DNAH2: variants seen among roughly 807,000 people sequenced by gnomAD.
DNAH2 encodes the protein axonemal beta dynein heavy chain 2.
Under a neutral mutation model 523.5 loss-of-function variants are expected in DNAH2, and 323 were observed. That is an observed-to-expected ratio of 0.62 (90% confidence interval 0.56 to 0.68). The LOEUF (loss-of-function observed/expected upper bound fraction) is 0.68, where lower values mean the gene tolerates loss of function less well. DNAH2 is among the 30% of genes least tolerant of loss of function. The probability of loss-of-function intolerance (pLI) is 0.00; values close to 1 mark genes in which losing one functional copy is unlikely to be tolerated. For synonymous variants in DNAH2, 2,093 were observed against 2,177.4 expected, an observed-to-expected ratio of 0.96 and a Z score of 1.08; for missense variants, 4,907 against 5,701.5, an observed-to-expected ratio of 0.86 and a Z score of 4.49.
At chr17:7,819,706 C>G (rs939491926) in intron 72 of DNAH2, among the ~76,000 whole-genome samples, 2 of 152,160 alleles carry the variant, frequency 1.3e-5, no homozygotes, top group Non-Finnish European at 2.9e-5. Context: ...GTGAAAGTAC[C>G]GGTTGGGATT....
Position 7,787,816 on chromosome 17 carries a change from G to A in DNAH2, c.6604-44G>A. The A allele has an allele frequency of 3.8e-6, 6 of 1,567,050 alleles. No individual in the cohort carries two copies. The Admixed American group carries it at 1.1e-4, about 28-fold the overall frequency. On this transcript the variant is annotated intron_variant, in intron 42 of 85. Transcript: ENST00000572933. The stretch of plus-strand genomic sequence containing the variant: ...GGTGTTTTATTATTCCTGAAGGTGG[G>A]GGATGCAGAGAAAGATGAAGTTCTG...
At chr17:7,722,186 ACG>A (rs758098130) in intron 2 of DNAH2, among the ~76,000 whole-genome samples, 11 of 30,264 alleles carry the variant, frequency 3.6e-4, no homozygotes, top group South Asian at 1.7e-3. Context: ...TTTTATAGAG[ACG>A]GGGGGGGGGG....
intron 44 of DNAH2, 36 bp downstream of exon 44, chr17:7,788,280 G>A (rs1430041093): frequency 6.5e-7 from 1 of 1,529,952 alleles, no homozygotes; most frequent in Non-Finnish European, 8.8e-7. Context: ...CAGGGGCAGG[G>A]GGTGCTCACA....
rs140369156 is a variant in DNAH2 at position 7,818,769 on chromosome 17, A to T, written c.10663A>T (p.Ile3555Phe). 114 of 1,613,900 alleles carry T rather than the reference A, an allele frequency of 7.1e-5. No homozygotes were observed. In the African/African-American group the frequency reaches 1.2e-3, roughly 17 times the overall value. Residue 3555 changes from isoleucine to phenylalanine, a missense_variant, in exon 70 of 86, where the codon ATC becomes TTC. By Grantham distance (21) the Ile-to-Phe change is conservative. This residue lies in a region of DNAH2 where 1,851 missense variants were observed against 2,139.4 expected (regional missense o/e 0.87). Coordinates refer to ENST00000572933, the MANE Select transcript of DNAH2 (RefSeq NM_020877.5). ...KRKLKELEDE[I>F]LRLLNEATGS... ...GAAGCTCAAGGAGCTGGAGGATGAG[A>T]TCCTGCGGTGAGGCCCTGCCTTCCC...
chr17:7,742,809 A>T lies in DNAH2; in HGVS notation c.1690-119A>T, dbSNP rs912465126. 85 of 583,660 alleles carry T rather than the reference A, an allele frequency of 1.5e-4. No homozygotes were observed. In the African/African-American group the frequency reaches 1.6e-3, roughly 11 times the overall value. 36.2% of individuals were successfully genotyped at this position (583,660 alleles called of 1,614,324 possible). A position where few individuals can be genotyped will look rare whatever the true frequency, so the allele number is the denominator to read the frequency against. ...CAAAACTCAATCCATCTCCATAGCA[A>T]GCCTTATGCATATTGTTGGGGTATG... is the stretch of plus-strand genomic sequence containing the variant. On this transcript the variant is annotated intron_variant, in intron 11 of 85. Coordinates refer to ENST00000572933, the MANE Select transcript of DNAH2 (RefSeq NM_020877.5).
intron 8 of DNAH2, 89 bp from the exon 9 acceptor site, chr17:7,739,644 G>A: frequency 8.9e-7 from 1 of 1,126,914 alleles, no homozygotes; most frequent in Non-Finnish European, 1.3e-6. Flanking sequence ...TCACAGTGAT[G>A]TTTTTAGACA....
chr17:7,726,464 C>A (rs1236168114), intron 3 of DNAH2, among the ~76,000 whole-genome samples: 1 of 151,274 alleles, frequency 6.6e-6, no homozygotes, highest in African/African-American at 2.4e-5. Flanking sequence ...CCACCACGCC[C>A]GGCTAATTTT....
chr17:7,777,957 A>C (rs1410809368), intron 33 of DNAH2, 120 bp from the exon 34 acceptor site: 7 of 934,174 alleles, frequency 7.5e-6, no homozygotes, highest in Middle Eastern at 2.7e-4. Context: ...TCTAAAAGGG[A>C]ACCCCTGATC....
intron 18 of DNAH2, among the ~76,000 whole-genome samples, chr17:7,763,160 A>G (rs2076054466): frequency 6.6e-6 from 1 of 151,296 alleles, no homozygotes. Context: ...ATATTTATTT[A>G]TTTATTTATT....
In DNAH2 at chr17:7,778,164, AC is replaced by A; in HGVS notation, c.5341del (p.Leu1781Ter). On this transcript the variant is annotated frameshift_variant, in exon 34 of 86. Coordinates refer to ENST00000572933, the MANE Select transcript of DNAH2 (RefSeq NM_020877.5). LOFTEE classifies it high-confidence loss of function. ...GGGTAACTCGGGCCGGCTCGTCATC[AC>A]CCCCCTGACGGACAGGTCTGCCATG... is the stretch of plus-strand genomic sequence containing the variant. Reference protein sequence around the residue: ...YLGNSGRLVITPLTDRCYMTL... With the variant: ...YLGNSGRLVIXPLTDRCYMTL... The A allele has an allele frequency of 6.2e-7, 1 of 1,613,498 alleles. No individual in the cohort carries two copies. Among genetic ancestry groups the A allele is most frequent in the South Asian group, 1.1e-5 (1 of 91,048 alleles).
intron 4 of DNAH2, among the ~76,000 whole-genome samples, chr17:7,730,237 G>C (rs530961275): frequency 6.6e-6 from 1 of 152,008 alleles, no homozygotes; most frequent in African/African-American, 2.4e-5. Flanking sequence ...TATAAAACCA[G>C]TAGATTGGAA....
intron 79 of DNAH2, 25 bp downstream of exon 79, chr17:7,830,867 G>C (rs2078154199): frequency 6.2e-7 from 1 of 1,612,698 alleles, no homozygotes; most frequent in Non-Finnish European, 8.5e-7. Context: ...GCCCTGGACA[G>C]GGAGCCAGAG....
chr17:7,829,032 T>TA (rs200055892), intron 77 of DNAH2, among the ~76,000 whole-genome samples: 9,063 of 148,524 alleles, frequency 0.061, 359 homozygotes, highest in Middle Eastern at 0.13. Context: ...TTATTATTAT[T>TA]TTTTTTTTTT....
intron 58 of DNAH2, 109 bp downstream of exon 58, chr17:7,802,126 C>G: frequency 6.9e-7 from 1 of 1,452,920 alleles, no homozygotes; most frequent in Non-Finnish European, 9.3e-7. Flanking sequence ...GGCCACAGTT[C>G]TGCCCAGGAA....
Position 7,786,844 on chromosome 17 carries a change from AG to A in DNAH2, c.6467-50del. On this transcript the variant is annotated intron_variant, in intron 41 of 85. Coordinates refer to ENST00000572933, the MANE Select transcript of DNAH2 (RefSeq NM_020877.5). This position sits in a 1 kb window ranked among gnomAD's most constrained non-coding sequence, Gnocchi z 7.5. ...TTGTGTCTCCGAGGAGCGTGAGCGG[AG>A]GGTGCAAGGTGAGCGGCTCCCCGGT... is the stretch of plus-strand genomic sequence containing the variant. The A allele has an allele frequency of 6.2e-7, 1 of 1,611,606 alleles. No individual in the cohort carries two copies. Among genetic ancestry groups the A allele is most frequent in the Non-Finnish European group, 8.5e-7 (1 of 1,178,050 alleles).
At position 7,739,735 on chromosome 17, in the gene DNAH2, A is replaced by T. The variant is rs1466901831; in HGVS notation, c.1173A>T (p.Val391=). 1.2e-6 allele frequency: 2 copies of T among 1,612,030 alleles called. No individual in the cohort carries two copies. Among genetic ancestry groups the T allele is most frequent in the African/African-American group, 1.3e-5 (1 of 74,812 alleles). ...RERLTSLFRK[V]CDCQYHFARW... ...CCTCATGCTGTCTTCTTTTTTAGGTATGTGACTGTCAGTATCACTTCGCCC... is the reference window on the plus strand; with the variant it reads ...CCTCATGCTGTCTTCTTTTTTAGGTTTGTGACTGTCAGTATCACTTCGCCC... Residue 391 remains valine (V), a splice_region_variant and synonymous_variant, in exon 9 of 86, where the codon GTA becomes GTT. Coordinates refer to ENST00000572933, the MANE Select transcript of DNAH2 (RefSeq NM_020877.5).
Position 7,824,125 on chromosome 17 carries a change from T to C in DNAH2, c.11483T>C (p.Leu3828Pro), listed in dbSNP as rs1447328852. Residue 3828 changes from leucine to proline, a missense_variant, in exon 76 of 86, where the codon CTG becomes CCG. This residue lies in a region of DNAH2 where 1,851 missense variants were observed against 2,139.4 expected (regional missense o/e 0.87). Transcript: ENST00000572933. ...CTATACCTGTGCTTCTGGCAGGTGC[T>C]GGAGGATTCAACCCCACGATCCCCA... The part of the protein sequence containing the change: ...EPPVLNMKSV[L>P]EDSTPRSPLV... 1 of 1,561,872 alleles carries C rather than the reference T, an allele frequency of 6.4e-7. No individual in the cohort carries two copies. Among genetic ancestry groups the C allele is most frequent in the Non-Finnish European group, 8.6e-7 (1 of 1,156,220 alleles).
intron 12 of DNAH2, chr17:7,755,022 G>A: frequency 2.7e-6 from 1 of 369,506 alleles, no homozygotes; most frequent in Non-Finnish European, 4.8e-6. Flanking sequence ...TTGGGTGGGA[G>A]GAGGGACTGT....
At chr17:7,777,251 G>C (rs1167537034) in intron 32 of DNAH2, among the ~76,000 whole-genome samples, 195 bp from the exon 33 acceptor site, 9 of 152,152 alleles carry the variant, frequency 5.9e-5, no homozygotes, top group African/African-American at 2.2e-4. Flanking sequence ...AGGTGAGCTG[G>C]TGGAAAAGGG....
Sources: allele counts gnomAD v4.1 joint callset (sites outside exome capture counted in the v4.1 genomes callset), GRCh38; gene constraint gnomAD v4.1.1; regional missense constraint gnomAD v4.1.1; non-coding constraint Gnocchi (gnomAD v3.1); transcripts MANE v1.5; gene names NCBI Gene and HGNC (gene_info 2026-07-23, HGNC 2026-07-21).